ZNF280D: variants seen among roughly 807,000 people sequenced by gnomAD.
ZNF280D encodes the protein suppressor of hairy wing homolog 4.
In ZNF280D, 39 loss-of-function variants were observed where a neutral mutation model predicts 94.7. The ratio of observed to expected loss-of-function variants is 0.41; its 90% CI spans 0.32 to 0.54. The LOEUF is 0.54. Ranked by LOEUF, ZNF280D falls within the 20% of genes least tolerant of loss-of-function variation. ZNF280D has a pLI of 0.22. For synonymous variants in ZNF280D, 398 were observed against 377.6 expected (o/e 1.05, Z -0.63); for missense variants, 1,090 against 1,149.3 (o/e 0.95, Z 0.75).
chr15:56,653,544 G>C, intron 19 of ZNF280D: 1 of 1,520,000 alleles, frequency 6.6e-7, no homozygotes, highest in Admixed American at 2.0e-5. Flanking sequence ...ATCGAAGGGG[G>C]ACACTGTCCA....
chr15:56,697,381 T>G (rs2056817515), intron 6 of ZNF280D, among the ~76,000 whole-genome samples: 1 of 152,072 alleles, frequency 6.6e-6, no homozygotes, highest in Admixed American at 6.6e-5. Flanking sequence ...GACAGGGTTT[T>G]GCCCTGTTGG....
intron 13 of ZNF280D, among the ~76,000 whole-genome samples, chr15:56,669,455 C>T (rs1467462550): frequency 6.6e-6 from 1 of 151,782 alleles, no homozygotes; most frequent in Non-Finnish European, 1.5e-5. Context: ...AATAATATCT[C>T]CTATGATAAT....
At chr15:56,701,744 C>T (rs549776533) in intron 4 of ZNF280D, among the ~76,000 whole-genome samples, 1 of 152,058 alleles carries the variant, frequency 6.6e-6, no homozygotes, top group East Asian at 1.9e-4. Context: ...AAAATCTCAT[C>T]GGATTATCTA....
rs373941275 is a variant in ZNF280D at position 56,658,425 on chromosome 15, G to A, written c.2056C>T (p.Arg686Trp). Reference sequence around the variant, plus strand: ...AGTAAAAAAAGATCAACTAGTTACCGGAGATTTTCTGAATGCTTCTTAAAA... The same window carrying A: ...AGTAAAAAAAGATCAACTAGTTACCAGAGATTTTCTGAATGCTTCTTAAAA... ...CIFKKHSENLRGITLVCLNCD... is the reference protein window; with the variant it reads ...CIFKKHSENLWGITLVCLNCD... Residue 686 changes from arginine to tryptophan, a missense_variant and splice_region_variant, in exon 17 of 22, where the codon CGG becomes TGG. Arg to Trp is a moderately radical substitution (Grantham distance 101). Around this residue, in one of 3 missense-constraint regions of ZNF280D, gnomAD observed 577 missense variants for 568.8 expected, o/e 1.01. Transcript: ENST00000267807. 1.0e-4 allele frequency: 158 copies of A among 1,583,952 alleles called. No individual in the cohort carries two copies. Among genetic ancestry groups the A allele is most frequent in the Non-Finnish European group, 1.3e-4 (149 of 1,170,234 alleles).
intron 1 of ZNF280D, among the ~76,000 whole-genome samples, chr15:56,720,260 A>C (rs772649490): frequency 3.9e-5 from 6 of 152,222 alleles, no homozygotes; most frequent in Non-Finnish European, 7.3e-5. Context: ...CATCTTCACC[A>C]GGAATAGGTT....
intron 19 of ZNF280D, chr15:56,653,984 T>A: frequency 7.0e-7 from 1 of 1,421,854 alleles, no homozygotes; most frequent in Middle Eastern, 2.8e-4. Flanking sequence ...TAAGAAAACA[T>A]CTCAGAACTT....
chr15:56,731,101 G>C (rs959222732), intron 1 of ZNF280D, among the ~76,000 whole-genome samples: 3 of 152,134 alleles, frequency 2.0e-5, no homozygotes. Flanking sequence ...TCCAAGTTTA[G>C]AGAAAACAGA....
intron 14 of ZNF280D, chr15:56,668,205 C>G (rs1175633434): frequency 2.2e-6 from 1 of 452,258 alleles, no homozygotes; most frequent in Non-Finnish European, 4.4e-6. Context: ...ATCCATGCCT[C>G]TGTTTCCCTC....
chr15:56,632,022 A>T lies in ZNF280D; in HGVS notation c.2416T>A (p.Ser806Thr), dbSNP rs755566559. ...TTKSEESITV[S>T]DKENETCLAD... ...AGACAGGTTTCATTTTCCTTATCTG[A>T]AACTGTTATGCTTTCTTCACTTTTT... The change falls in exon 22 of 22, where the codon TCA becomes ACA. Residue 806 changes from serine (S) to threonine (T), a missense_variant. Coordinates refer to ENST00000267807, the MANE Select transcript of ZNF280D (RefSeq NM_017661.4). 2 of 1,613,972 alleles carry T rather than the reference A, an allele frequency of 1.2e-6. No individual in the cohort carries two copies. Among genetic ancestry groups the T allele is most frequent in the Non-Finnish European group, 8.5e-7 (1 of 1,179,996 alleles).
Position 56,653,903 on chromosome 15 carries a change from C to T in ZNF280D, c.2213+295G>A, listed in dbSNP as rs1232025206. On this transcript the variant is annotated intron_variant, in intron 19 of 21. Coordinates refer to ENST00000267807, the MANE Select transcript of ZNF280D (RefSeq NM_017661.4). ...ATAAGGTGGAATAAGAATCTAGTCCCATTTGAAAGCTGAAAAGAGCTGAAT... is the reference window on the plus strand; with the variant it reads ...ATAAGGTGGAATAAGAATCTAGTCCTATTTGAAAGCTGAAAAGAGCTGAAT... 6 of 1,260,576 alleles carry T rather than the reference C, an allele frequency of 4.8e-6. No individual in the cohort carries two copies. In the South Asian group the frequency reaches 1.6e-4, roughly 33 times the overall value. 78.1% of individuals were successfully genotyped at this position (1,260,576 alleles called of 1,614,324 possible).
At chr15:56,717,162 G>C (rs545028595) in intron 1 of ZNF280D, among the ~76,000 whole-genome samples, 1 of 152,114 alleles carries the variant, frequency 6.6e-6, no homozygotes, top group Non-Finnish European at 1.5e-5. Context: ...TGGTACCAGA[G>C]GGAGAGTCTT....
Position 56,707,155 on chromosome 15 carries a change from C to A in ZNF280D, c.-41-5G>T. On this transcript the variant is annotated splice_region_variant and splice_polypyrimidine_tract_variant and intron_variant, in intron 2 of 21. Transcript: ENST00000267807. ...CTGTAAATTGTCACCTAAGTACTGA[C>A]ACATGATATCAGTCAATTTAATGAG... is the stretch of plus-strand genomic sequence containing the variant. 6.2e-7 allele frequency: 1 copy of A among 1,613,150 alleles called. No individual in the cohort carries two copies. The highest frequency in any genetic ancestry group is 8.5e-7 in the Non-Finnish European group (1 of 1,179,514).
intron 4 of ZNF280D, among the ~76,000 whole-genome samples, chr15:56,701,899 G>T (rs1023403886): frequency 4.6e-5 from 7 of 151,688 alleles, no homozygotes; most frequent in Non-Finnish European, 8.8e-5. Flanking sequence ...TGACTTTGAG[G>T]ATCAATTTAA....
chr15:56,657,354 C>T (rs1187998896), intron 17 of ZNF280D, among the ~76,000 whole-genome samples: 2 of 151,760 alleles, frequency 1.3e-5, no homozygotes, highest in African/African-American at 4.8e-5. Flanking sequence ...TCAAGAATTC[C>T]AGTGGTTAAA....
intron 9 of ZNF280D, among the ~76,000 whole-genome samples, chr15:56,686,449 G>C (rs1486612519): frequency 6.6e-6 from 1 of 152,016 alleles, no homozygotes; most frequent in Non-Finnish European, 1.5e-5. Flanking sequence ...TCATAATATA[G>C]TTATAAAAGC....
intron 1 of ZNF280D, among the ~76,000 whole-genome samples, chr15:56,710,476 G>A (rs17238880): frequency 0.036 from 5,512 of 151,338 alleles, 347 homozygotes; most frequent in Admixed American, 0.16. Flanking sequence ...TACTAACTCA[G>A]GTACAGATTA....
intron 6 of ZNF280D, among the ~76,000 whole-genome samples, chr15:56,696,144 G>A (rs2141136475): frequency 6.6e-6 from 1 of 152,098 alleles, no homozygotes; most frequent in African/African-American, 2.4e-5. Context: ...TAGGTATTTG[G>A]GCCTCAACAT....
intron 21 of ZNF280D, among the ~76,000 whole-genome samples, chr15:56,633,509 G>A (rs1268213596): frequency 1.3e-5 from 2 of 150,786 alleles, no homozygotes; most frequent in African/African-American, 2.4e-5. Context: ...TTTTTTTGAG[G>A]GGGGACAGTC....
intron 17 of ZNF280D, among the ~76,000 whole-genome samples, chr15:56,656,211 G>A (rs1437062552): frequency 6.6e-6 from 1 of 152,094 alleles, no homozygotes; most frequent in South Asian, 2.1e-4. Context: ...TACAGGACCT[G>A]CTACTTTATG....
Sources: allele counts gnomAD v4.1 joint callset (sites outside exome capture counted in the v4.1 genomes callset), GRCh38; gene constraint gnomAD v4.1.1; regional missense constraint gnomAD v4.1.1; transcripts MANE v1.5; gene names NCBI Gene and HGNC (gene_info 2026-07-23, HGNC 2026-07-21).